The following KIAA1217 variants were observed in gnomAD, a reference collection of about 807,000 sequenced individuals.
The protein encoded by KIAA1217 is KIAA1217.
A neutral mutation model predicts 163.9 loss-of-function variants in KIAA1217; 88 were observed. The ratio of observed to expected loss-of-function variants is 0.54; its 90% confidence interval spans 0.45 to 0.64. KIAA1217 has a LOEUF of 0.64. Ranked by LOEUF, KIAA1217 falls within the 30% of genes least tolerant of loss-of-function variation. The probability of loss-of-function intolerance (pLI) is 0.00; values close to 1 mark genes in which losing one functional copy is unlikely to be tolerated. For synonymous variants in KIAA1217, 903 were observed against 923.1 expected (o/e 0.98, Z 0.39); for missense variants, 2,372 against 2,475.0 (o/e 0.96, Z 0.88).
At chr10:24,320,329 T>G (rs1463877439) in intron 2 of KIAA1217, among the ~76,000 whole-genome samples, 1 of 152,188 alleles carries the variant, frequency 6.6e-6, no homozygotes, top group South Asian at 2.1e-4. Flanking sequence ...TAATCACAAA[T>G]ATAACTTGTG....
intron 8 of KIAA1217, among the ~76,000 whole-genome samples, chr10:24,497,036 C>T (rs1267860137): frequency 3.3e-5 from 5 of 152,344 alleles, no homozygotes; most frequent in South Asian, 4.1e-4. Context: ...GACTTTCTCA[C>T]TCTAACGTAT....
At chr10:24,273,634 C>T (rs750828285) in intron 2 of KIAA1217, among the ~76,000 whole-genome samples, 8 of 152,032 alleles carry the variant, frequency 5.3e-5, no homozygotes, top group South Asian at 2.1e-4. Flanking sequence ...GGTGGATCAC[C>T]TGAGGTCAGG....
At chr10:24,338,990 T>C (rs915084342) in intron 2 of KIAA1217, among the ~76,000 whole-genome samples, 1 of 152,208 alleles carries the variant, frequency 6.6e-6, no homozygotes, top group Non-Finnish European at 1.5e-5. Context: ...GGTTTATGCA[T>C]GAACTAGCAA....
At chr10:24,269,071 A>C (rs12573434) in intron 2 of KIAA1217, among the ~76,000 whole-genome samples, 2 of 79,554 alleles carry the variant, frequency 2.5e-5, no homozygotes, top group African/African-American at 5.0e-5. Context: ...GGGTGGGGGG[A>C]GGGGGGAAGG....
At chr10:24,455,421 T>C (rs552227870) in intron 5 of KIAA1217, among the ~76,000 whole-genome samples, 31 of 152,224 alleles carry the variant, frequency 2.0e-4, no homozygotes, top group Non-Finnish European at 3.4e-4. Context: ...AAATTCCCAA[T>C]CTTTGCTCTG....
chr10:23,864,523 AACACAC>A (rs10544205), intron 1 of KIAA1217, among the ~76,000 whole-genome samples: 8 of 147,296 alleles, frequency 5.4e-5, no homozygotes, highest in East Asian at 2.0e-4. Flanking sequence ...TACACACACC[AACACAC>A]ACACACACAC....
chr10:24,220,754 CTTTTTTTTT>C (rs58991505), intron 2 of KIAA1217, among the ~76,000 whole-genome samples: 1 of 74,218 alleles, frequency 1.3e-5, no homozygotes, highest in African/African-American at 6.2e-5. Flanking sequence ...GCACCCCGGC[CTTTTTTTTT>C]TTTTTTTTTT....
chr10:24,391,142 G>A (rs566500875), intron 3 of KIAA1217, among the ~76,000 whole-genome samples: 1 of 152,022 alleles, frequency 6.6e-6, no homozygotes. Context: ...GGATTACTTT[G>A]CAGATGGGAC....
At chr10:24,120,065 G>A (rs578105592) in intron 2 of KIAA1217, among the ~76,000 whole-genome samples, 14 of 152,118 alleles carry the variant, frequency 9.2e-5, no homozygotes, top group Non-Finnish European at 1.3e-4. Context: ...ATTCCTATGC[G>A]TCATCTGTTG....
At chr10:24,525,586 T>C (rs1271777179) in intron 13 of KIAA1217, among the ~76,000 whole-genome samples, 1 of 152,150 alleles carries the variant, frequency 6.6e-6, no homozygotes, top group Non-Finnish European at 1.5e-5. Flanking sequence ...ACAGAATTGA[T>C]TGAGGTGGTG....
At chr10:24,235,884 C>A (rs368252427) in intron 2 of KIAA1217, among the ~76,000 whole-genome samples, 1 of 152,138 alleles carries the variant, frequency 6.6e-6, no homozygotes, top group Non-Finnish European at 1.5e-5. Context: ...AGCATGGCTT[C>A]GTTTAGTTAG....
At chr10:24,440,729 A>T (rs553512568) in intron 5 of KIAA1217, among the ~76,000 whole-genome samples, 1 of 152,346 alleles carries the variant, frequency 6.6e-6, no homozygotes, top group Admixed American at 6.5e-5. Flanking sequence ...GAGAAACTCA[A>T]TCATTGTCCC....
intron 9 of KIAA1217, among the ~76,000 whole-genome samples, chr10:24,511,411 G>A (rs1249817412): frequency 2.0e-5 from 3 of 152,066 alleles, no homozygotes; most frequent in Admixed American, 6.6e-5. Flanking sequence ...GGAAGGCTGC[G>A]GCGGGCAGAT....
chr10:24,349,775 A>T (rs1035319473), intron 2 of KIAA1217, among the ~76,000 whole-genome samples: 3 of 152,224 alleles, frequency 2.0e-5, no homozygotes, highest in Non-Finnish European at 2.9e-5. Flanking sequence ...AAAGTACAGA[A>T]ATGATTTTTC....
intron 2 of KIAA1217, among the ~76,000 whole-genome samples, chr10:24,286,381 C>T (rs892612497): frequency 6.6e-6 from 1 of 151,864 alleles, no homozygotes; most frequent in Non-Finnish European, 1.5e-5. Flanking sequence ...TTTACCCTTC[C>T]TCATTAATAC....
At chr10:24,465,267 A>G (rs1190376675) in intron 5 of KIAA1217, among the ~76,000 whole-genome samples, 1 of 152,166 alleles carries the variant, frequency 6.6e-6, no homozygotes, top group Non-Finnish European at 1.5e-5. Flanking sequence ...TGTTACAACC[A>G]CTTCATCCAA....
chr10:24,241,808 T>G (rs1282100225), intron 2 of KIAA1217, among the ~76,000 whole-genome samples: 1 of 152,208 alleles, frequency 6.6e-6, no homozygotes, highest in African/African-American at 2.4e-5. Flanking sequence ...AAACACTCTC[T>G]TCATTCCAGG....
At chr10:24,518,425 G>T (rs150220134) in intron 10 of KIAA1217, among the ~76,000 whole-genome samples, 2 of 152,136 alleles carry the variant, frequency 1.3e-5, no homozygotes, top group African/African-American at 4.8e-5. Flanking sequence ...AAGCGTCTCC[G>T]TATGCAAGGT....
chr10:24,016,791 T>C (rs1022293319), intron 2 of KIAA1217, among the ~76,000 whole-genome samples: 7 of 152,024 alleles, frequency 4.6e-5, no homozygotes, highest in Admixed American at 4.6e-4. Flanking sequence ...ACCAACCTCA[T>C]ACATTTATTT....
Sources: allele counts gnomAD v4.1 joint callset (sites outside exome capture counted in the v4.1 genomes callset), GRCh38; gene constraint gnomAD v4.1.1; transcripts MANE v1.5; gene names NCBI Gene and HGNC (gene_info 2026-07-23, HGNC 2026-07-21).